The following AP3S1 variants were observed in gnomAD, a reference collection of about 807,000 sequenced individuals.
AP3S1 encodes AP-3 complex subunit sigma-1.
AP3S1 carries 12 observed loss-of-function variants against 21.3 expected under a neutral mutation model. The ratio of observed to expected loss-of-function variants is 0.56; its 90% CI spans 0.36 to 0.91. The LOEUF is 0.91. Among genes scored for constraint, AP3S1 ranks in the 40% least tolerant of loss-of-function variants. The probability of loss-of-function intolerance (pLI) is 0.01; values close to 1 mark genes in which losing one functional copy is unlikely to be tolerated. For missense variants in AP3S1, 116 were observed against 225.0 expected, an observed-to-expected ratio of 0.52 and a Z score of 3.10; for synonymous variants, 48 against 78.4, an observed-to-expected ratio of 0.61 and a Z score of 2.05.
chr5:115,853,841 C>G (rs1762615580), intron 1 of AP3S1, among the ~76,000 whole-genome samples: 1 of 152,200 alleles, frequency 6.6e-6, no homozygotes, highest in Non-Finnish European at 1.5e-5. Flanking sequence ...CAAACTCAGT[C>G]TGTCACCTTC....
intron 3 of AP3S1, 31 bp from the exon 4 acceptor site, chr5:115,895,056 A>G: frequency 1.4e-6 from 2 of 1,453,092 alleles, no homozygotes; most frequent in South Asian, 2.4e-5. Flanking sequence ...AAATTTAAAC[A>G]GTTCTTAAAA....
chr5:115,895,693 A>G (rs28599770), intron 4 of AP3S1, among the ~76,000 whole-genome samples: 26,667 of 152,046 alleles, frequency 0.18, 2,552 homozygotes, highest in African/African-American at 0.21. Context: ...CTTTGTTTGT[A>G]TATTTTTTTG....
intron 5 of AP3S1, among the ~76,000 whole-genome samples, chr5:115,910,435 A>G (rs929003813): frequency 6.6e-6 from 1 of 152,074 alleles, no homozygotes; most frequent in Non-Finnish European, 1.5e-5. Flanking sequence ...CAGGTAAACA[A>G]TTTCTGTAAG....
At chr5:115,860,427 C>G (rs900809831) in intron 1 of AP3S1, among the ~76,000 whole-genome samples, 1 of 152,116 alleles carries the variant, frequency 6.6e-6, no homozygotes, top group Non-Finnish European at 1.5e-5. Flanking sequence ...CCTTGCTCTC[C>G]GAAGACCCTC....
intron 5 of AP3S1, chr5:115,906,878 G>T (rs910540648): frequency 6.6e-7 from 1 of 1,506,664 alleles, no homozygotes; most frequent in Non-Finnish European, 8.8e-7. Context: ...CTGACTTTGA[G>T]AAATATGTAC....
At chr5:115,855,824 T>G (rs1276876593) in intron 1 of AP3S1, among the ~76,000 whole-genome samples, 1 of 151,890 alleles carries the variant, frequency 6.6e-6, no homozygotes, top group East Asian at 1.9e-4. Context: ...AGTGAATGAA[T>G]GCATTTTAAG....
intron 3 of AP3S1, among the ~76,000 whole-genome samples, chr5:115,891,390 A>G (rs1038226490): frequency 3.3e-5 from 5 of 152,110 alleles, no homozygotes; most frequent in African/African-American, 9.7e-5. Context: ...ATCAGATCCC[A>G]TGACACAGTC....
At chr5:115,881,801 C>T (rs1026732816) in intron 3 of AP3S1, among the ~76,000 whole-genome samples, 4 of 152,182 alleles carry the variant, frequency 2.6e-5, no homozygotes, top group Admixed American at 2.0e-4. Context: ...TGTTTTCCAA[C>T]TTGGTTCCAT....
rs1751040899 is a variant in AP3S1 at position 115,899,564 on chromosome 5, A to G, written c.346-3321A>G. Among the ~76,000 whole-genome samples, 4 of 152,366 alleles carry G rather than the reference A, an allele frequency of 2.6e-5. No individual in the cohort carries two copies. In the South Asian group the frequency reaches 8.3e-4, roughly 32 times the overall value. ...TGGCCTCCCAAAGCATTGAGATTAC[A>G]GGTGTGAGCCACCACCTGGCCTCAC... On this transcript the variant is annotated intron_variant, in intron 4 of 5. Coordinates refer to ENST00000316788, the MANE Select transcript of AP3S1 (RefSeq NM_001284.4).
At chr5:115,906,593 CG>C (rs1214130517) in intron 5 of AP3S1, among the ~76,000 whole-genome samples, 3 of 149,544 alleles carry the variant, frequency 2.0e-5, no homozygotes, top group African/African-American at 7.4e-5. Flanking sequence ...TGATGGGATT[CG>C]GGGGAAGTAT....
At chr5:115,902,518 T>C (rs7723291) in intron 4 of AP3S1, among the ~76,000 whole-genome samples, 62,611 of 151,908 alleles carry the variant, frequency 0.41, 13,255 homozygotes, top group African/African-American at 0.49. Flanking sequence ...CATAAAAGGC[T>C]CTTATAAATC....
chr5:115,910,513 A>C (rs1752016450), intron 5 of AP3S1, among the ~76,000 whole-genome samples: 1 of 152,132 alleles, frequency 6.6e-6, no homozygotes, highest in African/African-American at 2.4e-5. Flanking sequence ...TTACTGGAAA[A>C]AAAAAAAATC....
chr5:115,856,649 G>A (rs1762824104), intron 1 of AP3S1, among the ~76,000 whole-genome samples: 1 of 151,986 alleles, frequency 6.6e-6, no homozygotes, highest in East Asian at 1.9e-4. Context: ...AAACGTTGTT[G>A]TTGTTGTTTA....
chr5:115,910,688 CAT>C (rs760143668), intron 5 of AP3S1, among the ~76,000 whole-genome samples: 62 of 152,094 alleles, frequency 4.1e-4, no homozygotes, highest in Non-Finnish European at 8.2e-4. Flanking sequence ...GACTGAGTGA[CAT>C]AAAGTCTTTT....
intron 4 of AP3S1, chr5:115,898,902 C>T (rs770062192): frequency 7.2e-5 from 11 of 152,214 alleles, no homozygotes; most frequent in Non-Finnish European, 1.2e-4. Context: ...AGTTATCTGC[C>T]CATTTCCTGT....
chr5:115,897,641 G>A (rs1381977921), intron 4 of AP3S1, among the ~76,000 whole-genome samples: 1 of 150,718 alleles, frequency 6.6e-6, no homozygotes, highest in African/African-American at 2.4e-5. Flanking sequence ...CTTAATGCAA[G>A]CTCCACCTCC....
chr5:115,903,170 C>G (rs1751364357), intron 5 of AP3S1, 178 bp downstream of exon 5: 6 of 459,640 alleles, frequency 1.3e-5, no homozygotes, highest in Admixed American at 4.4e-5. Flanking sequence ...TGACTGTTCT[C>G]TACCCAACAG....
chr5:115,885,760 T>C (rs1451256294), intron 3 of AP3S1, among the ~76,000 whole-genome samples: 2 of 152,236 alleles, frequency 1.3e-5, no homozygotes, highest in East Asian at 1.9e-4. Context: ...TTGAATACTT[T>C]TGTTAATTTA....
At chr5:115,908,938 A>G in intron 5 of AP3S1, 1 of 963,632 alleles carries the variant, frequency 1.0e-6, no homozygotes, top group Non-Finnish European at 1.2e-6. Flanking sequence ...ACCATTTAAT[A>G]TTGTGTTTAT....
Sources: allele counts gnomAD v4.1 joint callset (sites outside exome capture counted in the v4.1 genomes callset), GRCh38; gene constraint gnomAD v4.1.1; transcripts MANE v1.5; gene names NCBI Gene and HGNC (gene_info 2026-07-23, HGNC 2026-07-21).